ATXN7L1: variants seen among roughly 807,000 people sequenced by gnomAD.
ATXN7L1 encodes the protein ataxin-7-like protein 1.
ATXN7L1 carries 15 observed loss-of-function variants against 70.8 expected under a neutral mutation model. That is an observed-to-expected ratio of 0.21 (90% CI 0.14 to 0.33). The LOEUF (loss-of-function observed/expected upper bound fraction) is 0.33. Ranked by LOEUF, ATXN7L1 falls within the 10% of genes least tolerant of loss-of-function variation. ATXN7L1 has a pLI of 1.00. For missense variants in ATXN7L1, 975 were observed against 1,097.1 expected (o/e 0.89, Z 1.57); for synonymous variants, 440 against 445.1 (o/e 0.99, Z 0.14).
chr7:105,638,352 CCT>C lies in ATXN7L1; in HGVS notation c.1201_1202del (p.Arg401ThrfsTer6). The C allele has an allele frequency of 6.5e-7, 1 of 1,550,052 alleles. No individual in the cohort carries two copies. Among genetic ancestry groups the C allele is most frequent in the African/African-American group, 1.4e-5 (1 of 72,998 alleles). On this transcript the variant is annotated frameshift_variant and splice_region_variant, in exon 7 of 12. Coordinates refer to ENST00000419735, the MANE Select transcript of ATXN7L1 (RefSeq NM_020725.2). LOFTEE classifies it high-confidence loss of function. The stretch of plus-strand genomic sequence containing the variant: ...GCTTCTATCGTCAAGGTGGTACTTA[CCT>C]AGGAAGTACAGAGTTGGGTGGTCTG... Reference protein sequence around the residue: ...KSRPPNSVLPRPSSANSISSS... With the variant: ...KSRPPNSVLPXPSSANSISSS...
At chr7:105,752,060 GA>G (rs1799282803) in intron 3 of ATXN7L1, among the ~76,000 whole-genome samples, 1 of 152,224 alleles carries the variant, frequency 6.6e-6, no homozygotes, top group African/African-American at 2.4e-5. Context: ...GCAATAGTAA[GA>G]GCTGGTTAAG....
In ATXN7L1 at chr7:105,826,823, GA is replaced by G. The variant is rs1810938173; in HGVS notation, c.251-38116del. 2.6e-5 allele frequency among the ~76,000 whole-genome samples: 4 copies of G among 152,366 alleles called. No homozygotes were observed. In the South Asian group the frequency reaches 8.3e-4, roughly 32 times the overall value. Reference sequence around the variant, plus strand: ...GGTGAACAGAGAAGTCTGAATGGTAGATGATTTTGGCAAAAGCTTGAGACTG... The same window carrying G: ...GGTGAACAGAGAAGTCTGAATGGTAGTGATTTTGGCAAAAGCTTGAGACTG... On this transcript the variant is annotated intron_variant, in intron 2 of 11. Coordinates refer to ENST00000419735, the MANE Select transcript of ATXN7L1 (RefSeq NM_020725.2).
rs572521427 is a variant in ATXN7L1 at position 105,604,981 on chromosome 7, A to C, written c.*2871T>G. The C allele has an allele frequency of 6.6e-6, 1 of 150,616 alleles. No individual in the cohort carries two copies. Among genetic ancestry groups the C allele is most frequent in the South Asian group, 2.1e-4 (1 of 4,740 alleles). 9.3% of individuals were successfully genotyped at this position (150,616 alleles called of 1,614,324 possible). A position where few individuals can be genotyped will look rare whatever the true frequency, so the allele number is the denominator to read the frequency against. ...TATAAACTATTCTCTACAAAGGTTG[A>C]TCAGCATTATTTACAATTGGTACAT... is the stretch of plus-strand genomic sequence containing the variant. On this transcript the variant is annotated 3_prime_UTR_variant, in exon 12 of 12. Coordinates refer to ENST00000419735, the MANE Select transcript of ATXN7L1 (RefSeq NM_020725.2).
intron 2 of ATXN7L1, among the ~76,000 whole-genome samples, chr7:105,848,633 G>A (rs1032000023): frequency 6.6e-6 from 1 of 152,144 alleles, no homozygotes; most frequent in Non-Finnish European, 1.5e-5. Context: ...CAAACAAAAG[G>A]TCAGCACTGG....
At chr7:105,854,815 A>G (rs1463512055) in intron 2 of ATXN7L1, among the ~76,000 whole-genome samples, 3 of 152,240 alleles carry the variant, frequency 2.0e-5, no homozygotes. Flanking sequence ...GAATGTGGTG[A>G]GCCAATTATT....
intron 2 of ATXN7L1, among the ~76,000 whole-genome samples, chr7:105,828,419 G>A (rs1811161456): frequency 6.6e-6 from 1 of 152,112 alleles, no homozygotes; most frequent in Non-Finnish European, 1.5e-5. Flanking sequence ...GAACCAGAAA[G>A]GCTCCAGGCA....
intron 3 of ATXN7L1, among the ~76,000 whole-genome samples, chr7:105,724,325 G>T (rs1795542385): frequency 6.6e-6 from 1 of 152,142 alleles, no homozygotes; most frequent in African/African-American, 2.4e-5. Context: ...TGTAATCCTA[G>T]CACTTTGGGA....
intron 3 of ATXN7L1, among the ~76,000 whole-genome samples, chr7:105,671,104 C>CAAAAAAAAAAAAAGAA (rs1803548835): frequency 1.1e-5 from 1 of 89,706 alleles, no homozygotes; most frequent in African/African-American, 4.1e-5. Context: ...GACTACGTCT[C>CAAAAAAAAAAAAAGAA]AAAAAAAAAA....
chr7:105,796,223 C>T (rs957700503), intron 2 of ATXN7L1, among the ~76,000 whole-genome samples: 3 of 152,146 alleles, frequency 2.0e-5, no homozygotes, highest in South Asian at 2.1e-4. Context: ...ATTAGGTGGG[C>T]GTGGTCGTGC....
intron 2 of ATXN7L1, among the ~76,000 whole-genome samples, chr7:105,860,546 T>C (rs536287301): frequency 6.6e-6 from 1 of 152,226 alleles, no homozygotes; most frequent in South Asian, 2.1e-4. Flanking sequence ...TCAAAAAACC[T>C]CATAGGCCAT....
At chr7:105,757,104 T>C (rs1430605241) in intron 3 of ATXN7L1, among the ~76,000 whole-genome samples, 1 of 151,850 alleles carries the variant, frequency 6.6e-6, no homozygotes, top group Non-Finnish European at 1.5e-5. Context: ...CAAAAAGACA[T>C]AGAGGGGAAT....
At chr7:105,797,770 T>G (rs1049043927) in intron 2 of ATXN7L1, among the ~76,000 whole-genome samples, 1 of 152,240 alleles carries the variant, frequency 6.6e-6, no homozygotes, top group East Asian at 1.9e-4. Flanking sequence ...CCCCTCCTGG[T>G]GCGCCCTCAC....
intron 3 of ATXN7L1, among the ~76,000 whole-genome samples, chr7:105,667,006 C>T (rs1449444443): frequency 1.3e-5 from 2 of 152,218 alleles, no homozygotes; most frequent in African/African-American, 2.4e-5. Context: ...ACCATAAATA[C>T]AAGGGATACT....
At chr7:105,774,037 C>T (rs1255418716) in intron 3 of ATXN7L1, among the ~76,000 whole-genome samples, 1 of 152,146 alleles carries the variant, frequency 6.6e-6, no homozygotes, top group African/African-American at 2.4e-5. Context: ...CACTTGTCTC[C>T]CAGGCTGGCT....
At chr7:105,633,943 C>G (rs925670832) in intron 7 of ATXN7L1, among the ~76,000 whole-genome samples, 1 of 152,108 alleles carries the variant, frequency 6.6e-6, no homozygotes, top group African/African-American at 2.4e-5. Flanking sequence ...TGCACACACA[C>G]CAGGAGGAGG....
chr7:105,820,077 C>A, intron 2 of ATXN7L1: 3 of 366,868 alleles, frequency 8.2e-6, no homozygotes, highest in South Asian at 6.0e-5. Context: ...CAGAAGCTCT[C>A]AAGACCCATG....
In ATXN7L1 at chr7:105,607,295, C is replaced by G. The variant is rs1265916476; in HGVS notation, c.*557G>C. 1 of 153,394 alleles carries G rather than the reference C, an allele frequency of 6.5e-6. No homozygotes were observed. The highest frequency in any genetic ancestry group is 1.5e-5 in the Non-Finnish European group (1 of 68,942). 9.5% of individuals were successfully genotyped at this position (153,394 alleles called of 1,614,324 possible). A position where few individuals can be genotyped will look rare whatever the true frequency, so the allele number is the denominator to read the frequency against. On this transcript the variant is annotated 3_prime_UTR_variant, in exon 12 of 12. Coordinates refer to ENST00000419735, the MANE Select transcript of ATXN7L1 (RefSeq NM_020725.2). ...ACCCCACCCACCCTCCAACTCTCCA[C>G]TCCCAGCTCCTCCCCAGCAAAGCCC... is the stretch of plus-strand genomic sequence containing the variant.
chr7:105,754,905 A>G (rs1243584859), intron 3 of ATXN7L1, among the ~76,000 whole-genome samples: 1 of 152,212 alleles, frequency 6.6e-6, no homozygotes, highest in Non-Finnish European at 1.5e-5. Flanking sequence ...CTTCCCAAAC[A>G]TGACTTGAGT....
In ATXN7L1 at chr7:105,727,781, C is replaced by CAT. The variant is rs1554442598; in HGVS notation, c.355+60822_355+60823insAT. 7.5e-4 allele frequency among the ~76,000 whole-genome samples: 37 copies of CAT among 49,624 alleles called. No individual in the cohort carries two copies. In the East Asian group the frequency reaches 0.029, roughly 39 times the overall value. The allele number at this position is 49,624 out of a possible 152,430, so 32.6% of individuals were successfully genotyped here. A position where few individuals can be genotyped will look rare whatever the true frequency, so the allele number is the denominator to read the frequency against. The stretch of plus-strand genomic sequence containing the variant: ...ATATATATATATATATATATATACA[C>CAT]ACACATACACACATATATATATGTA... On this transcript the variant is annotated intron_variant, in intron 3 of 11. Coordinates refer to ENST00000419735, the MANE Select transcript of ATXN7L1 (RefSeq NM_020725.2).
Sources: gnomAD v4.1 joint callset for allele counts (sites outside exome capture counted in the v4.1 genomes callset) on GRCh38, gnomAD v4.1.1 for gene constraint, MANE v1.5 for transcripts, NCBI Gene and HGNC (gene_info 2026-07-23, HGNC 2026-07-21) for gene names.